CSMD1: variants seen among roughly 807,000 people sequenced by gnomAD.
The protein encoded by CSMD1 is CUB and sushi domain-containing protein 1.
Under a neutral mutation model 417.5 loss-of-function variants are expected in CSMD1, and 213 were observed. That is an observed-to-expected ratio of 0.51 (90% CI 0.46 to 0.57). The LOEUF is 0.57. Ranked by LOEUF, CSMD1 falls within the 20% of genes least tolerant of loss-of-function variation. The pLI, the probability that CSMD1 is intolerant of heterozygous loss-of-function variation, is 0.00. For missense variants in CSMD1, 6,923 were observed against 4,529.7 expected (o/e 1.53, Z -15.17); for synonymous variants, 2,862 against 1,736.8 (o/e 1.65, Z -16.11).
chr8:4,227,586 C>T (rs527924817), intron 3 of CSMD1, among the ~76,000 whole-genome samples: 3 of 152,042 alleles, frequency 2.0e-5, no homozygotes, highest in Admixed American at 6.6e-5. Flanking sequence ...AGTCCCACAG[C>T]CCCCGACCTC....
chr8:4,705,551 G>A (rs543092793), intron 1 of CSMD1, among the ~76,000 whole-genome samples: 36 of 152,166 alleles, frequency 2.4e-4, no homozygotes, highest in African/African-American at 8.2e-4. Context: ...ATTCTACTAC[G>A]GCATATTTCT....
At chr8:4,042,828 A>AAAACAAAAC (rs1797960925) in intron 3 of CSMD1, among the ~76,000 whole-genome samples, 1 of 143,588 alleles carries the variant, frequency 7.0e-6, no homozygotes, top group South Asian at 2.3e-4. Context: ...AAAAAAAAAA[A>AAAACAAAAC]AAAAAAAAAA....
intron 2 of CSMD1, among the ~76,000 whole-genome samples, chr8:4,604,084 A>G (rs1464396259): frequency 3.3e-5 from 5 of 152,144 alleles, no homozygotes; most frequent in African/African-American, 1.2e-4. Flanking sequence ...AGTTGTTATC[A>G]TAGACAGATA....
intron 7 of CSMD1, among the ~76,000 whole-genome samples, chr8:3,635,658 A>AT (rs1797002139): frequency 6.6e-6 from 1 of 150,942 alleles, no homozygotes; most frequent in Non-Finnish European, 1.5e-5. Context: ...TATTTTTTGT[A>AT]TTTTTTAGTA....
intron 12 of CSMD1, among the ~76,000 whole-genome samples, chr8:3,448,867 C>G (rs1383184436): frequency 6.6e-6 from 1 of 152,204 alleles, no homozygotes; most frequent in African/African-American, 2.4e-5. Flanking sequence ...TTTTGGAAAA[C>G]TTACGCAGGC....
At chr8:4,985,066 G>A (rs7831577) in intron 1 of CSMD1, among the ~76,000 whole-genome samples, 28,616 of 152,106 alleles carry the variant, frequency 0.19, 3,077 homozygotes, top group East Asian at 0.31. Context: ...TTGCAGGGAC[G>A]TGGGTGGAGC....
intron 5 of CSMD1, among the ~76,000 whole-genome samples, chr8:3,929,179 A>C (rs1809964242): frequency 6.7e-6 from 1 of 150,254 alleles, no homozygotes; most frequent in Non-Finnish European, 1.5e-5. Context: ...CAAGAGTGCA[A>C]GGCTGAGGAA....
intron 26 of CSMD1, among the ~76,000 whole-genome samples, chr8:3,283,843 C>G (rs935270386): frequency 2.0e-5 from 3 of 152,228 alleles, no homozygotes; most frequent in African/African-American, 7.2e-5. Context: ...TTAAAACACA[C>G]AATTTTCTCT....
intron 3 of CSMD1, among the ~76,000 whole-genome samples, chr8:4,226,728 T>C (rs60412395): frequency 0.04 from 6,028 of 152,254 alleles, 133 homozygotes; most frequent in East Asian, 0.097. Flanking sequence ...AAATGAGTTT[T>C]TAATAATCAG....
At chr8:3,641,729 T>C (rs1315397227) in intron 7 of CSMD1, among the ~76,000 whole-genome samples, 1 of 152,184 alleles carries the variant, frequency 6.6e-6, no homozygotes, top group Non-Finnish European at 1.5e-5. Flanking sequence ...ATGGAAATGT[T>C]TGGGACCAGG....
chr8:3,612,082 G>A (rs572693254), intron 8 of CSMD1, among the ~76,000 whole-genome samples: 1 of 151,830 alleles, frequency 6.6e-6, no homozygotes, highest in African/African-American at 2.4e-5. Flanking sequence ...TTGTGCAACA[G>A]ATTGAATATA....
intron 5 of CSMD1, among the ~76,000 whole-genome samples, chr8:3,973,395 T>C (rs7009320): frequency 0.013 from 2,013 of 152,338 alleles, 44 homozygotes; most frequent in African/African-American, 0.045. Context: ...CCTACTGTTG[T>C]CACCTGTCAC....
chr8:3,901,625 G>T (rs925588149), intron 5 of CSMD1, among the ~76,000 whole-genome samples: 1 of 152,104 alleles, frequency 6.6e-6, no homozygotes, highest in South Asian at 2.1e-4. Context: ...GAAAACCACC[G>T]AAGTAAAACA....
intron 3 of CSMD1, among the ~76,000 whole-genome samples, chr8:4,101,592 T>C (rs930073877): frequency 6.6e-6 from 1 of 152,206 alleles, no homozygotes; most frequent in Admixed American, 6.5e-5. Context: ...CATTTTAAAA[T>C]ATTCCAACCC....
intron 3 of CSMD1, among the ~76,000 whole-genome samples, chr8:4,267,491 C>T (rs982816067): frequency 1.3e-5 from 2 of 151,406 alleles, no homozygotes; most frequent in Non-Finnish European, 2.9e-5. Flanking sequence ...ATATTAAAGT[C>T]TTCATATCTA....
At chr8:3,519,667 G>A (rs1406565689) in intron 10 of CSMD1, among the ~76,000 whole-genome samples, 2 of 152,192 alleles carry the variant, frequency 1.3e-5, no homozygotes, top group Admixed American at 6.5e-5. Context: ...CAAGCAGCAT[G>A]CAGGCCATGG....
intron 1 of CSMD1, among the ~76,000 whole-genome samples, chr8:4,975,536 G>A (rs1468058069): frequency 2.0e-5 from 3 of 152,158 alleles, no homozygotes; most frequent in African/African-American, 7.2e-5. Flanking sequence ...TTCAGATGAA[G>A]GAAGTGAAGC....
At chr8:4,825,855 G>T (rs934532303) in intron 1 of CSMD1, among the ~76,000 whole-genome samples, 1 of 151,022 alleles carries the variant, frequency 6.6e-6, no homozygotes, top group Admixed American at 6.6e-5. Context: ...CTTCTCTGAA[G>T]AGATACAATT....
intron 2 of CSMD1, among the ~76,000 whole-genome samples, chr8:4,628,439 C>CATAT (rs34507100): frequency 0.46 from 66,828 of 146,012 alleles, 16,325 homozygotes; most frequent in East Asian, 0.72. Flanking sequence ...CACATATACA[C>CATAT]ATATATACAC....
Sources: allele counts gnomAD v4.1 joint callset (sites outside exome capture counted in the v4.1 genomes callset), GRCh38; gene constraint gnomAD v4.1.1; transcripts MANE v1.5; gene names NCBI Gene and HGNC (gene_info 2026-07-23, HGNC 2026-07-21).